Variants in VRTN observed in about 807,000 individuals in gnomAD.
VRTN encodes vertebrae development associated, also known as vertnin.
VRTN carries 5 observed loss-of-function variants against 18.2 expected under a neutral mutation model. The observed-to-expected ratio is 0.27, with a 90% CI of 0.14 to 0.58. The LOEUF is 0.58. Ranked by LOEUF, VRTN falls within the 20% of genes least tolerant of loss-of-function variation. The pLI is 0.91. For missense variants in VRTN, 741 were observed against 939.4 expected, an observed-to-expected ratio of 0.79 and a Z score of 2.76; for synonymous variants, 381 against 393.7, an observed-to-expected ratio of 0.97 and a Z score of 0.38.
chr14:74,357,259 C>A lies in VRTN; in HGVS notation c.476C>A (p.Ala159Asp). The change falls in exon 2 of 2, where the codon GCC (alanine) becomes GAC (aspartate). Residue 159 changes from alanine (A) to aspartate (D), a missense_variant. Transcript: ENST00000256362. The surrounding 1 kb of genome is among the most constrained non-coding windows in gnomAD (Gnocchi z 7.8). ...GCCACGCTGGAGGCCATCTTCGATG[C>A]CGACGTCAAGGCCTCCTGTTTCCCC... The part of the protein sequence containing the change: ...PPATLEAIFD[A>D]DVKASCFPSS... 1 of 1,613,728 alleles carries A rather than the reference C, an allele frequency of 6.2e-7. No individual in the cohort carries two copies. Among genetic ancestry groups the A allele is most frequent in the Non-Finnish European group, 8.5e-7 (1 of 1,179,814 alleles).
chr14:74,352,676 G>T (rs1393667214), intron 1 of VRTN, among the ~76,000 whole-genome samples: 2 of 152,136 alleles, frequency 1.3e-5, no homozygotes, highest in Non-Finnish European at 2.9e-5. Context: ...GCCTCCCAAA[G>T]TGCTGGGATT....
chr14:74,303,901 G>C (rs1195308560), intron 1 of VRTN, among the ~76,000 whole-genome samples: 1 of 139,000 alleles, frequency 7.2e-6, no homozygotes, highest in Admixed American at 7.9e-5. Context: ...GCCCCGGCTA[G>C]AGTGCAATGG....
intron 1 of VRTN, among the ~76,000 whole-genome samples, chr14:74,355,101 C>G (rs989067989): frequency 1.3e-5 from 2 of 150,888 alleles, no homozygotes; most frequent in African/African-American, 4.9e-5. Flanking sequence ...GAGATTGCGC[C>G]CCTGCACTCC....
At chr14:74,320,236 C>G (rs1459029166) in intron 1 of VRTN, among the ~76,000 whole-genome samples, 1 of 141,140 alleles carries the variant, frequency 7.1e-6, no homozygotes, top group Non-Finnish European at 1.5e-5. Flanking sequence ...GGTGACAGAG[C>G]AAGATCCCAT....
chr14:74,337,160 TG>T (rs1356948759), intron 1 of VRTN, among the ~76,000 whole-genome samples: 3 of 152,070 alleles, frequency 2.0e-5, no homozygotes, highest in Non-Finnish European at 4.4e-5. Flanking sequence ...CTGGTGAACA[TG>T]GTGAAACCCA....
At chr14:74,303,006 C>T, upstream of VRTN, 1 of 1,316,074 alleles carries the variant, frequency 7.6e-7, no homozygotes, top group Non-Finnish European at 1.0e-6. Context: ...ACCACAGAGA[C>T]GGCGTTTGAT....
At position 74,311,334 on chromosome 14, in the gene VRTN, A is replaced by G. The variant is rs572246312; in HGVS notation, c.-164+8158A>G. Among the ~76,000 whole-genome samples the G allele has an allele frequency of 3.0e-4, 46 of 152,292 alleles. 1 individual carries two copies. The highest frequency in any genetic ancestry group is 1.0e-3 in the South Asian group (5 of 4,824). ...AAATGTTTTATATATATGCAAACTT[A>G]TATGTATTAATATATTTCACACATA... On this transcript the variant is annotated intron_variant, in intron 1 of 2. Coordinates refer to the VRTN transcript ENST00000557177.
rs961161826 is a variant in VRTN, at chr14:74,357,765, G to T, written c.982G>T (p.Gly328Cys). 3.7e-6 allele frequency: 6 copies of T among 1,613,128 alleles called. No individual in the cohort carries two copies. Among genetic ancestry groups the T allele is most frequent in the Non-Finnish European group, 4.2e-6 (5 of 1,180,032 alleles). ...HFLQDSFHRG[G>C]VVPLQQFLQR... ...CCTGCAGGACAGCTTCCACCGGGGG[G>T]GCGTCGTGCCACTTCAGCAGTTCCT... Residue 328 changes from glycine (G) to cysteine (C), a missense_variant, in exon 2 of 2, where the codon GGC (glycine) becomes TGC (cysteine). By Grantham distance (159) the Gly-to-Cys change is radical. Around this residue, in one of 3 missense-constraint regions of VRTN, gnomAD observed 494 missense variants for 546.5 expected, o/e 0.90. Coordinates refer to ENST00000256362, the MANE Select transcript of VRTN (RefSeq NM_018228.3). The surrounding 1 kb of genome is among the most constrained non-coding windows in gnomAD (Gnocchi z 7.8).
chr14:74,336,148 C>T (rs1567042398), intron 1 of VRTN, among the ~76,000 whole-genome samples: 1 of 151,674 alleles, frequency 6.6e-6, no homozygotes, highest in Non-Finnish European at 1.5e-5. Flanking sequence ...GTGGCTCACG[C>T]CTGTAATCCA....
At chr14:74,314,577 T>C (rs1377126320) in intron 1 of VRTN, among the ~76,000 whole-genome samples, 1 of 151,750 alleles carries the variant, frequency 6.6e-6, no homozygotes, top group Non-Finnish European at 1.5e-5. Flanking sequence ...TTTTTTTTTG[T>C]ATTTTTAGTA....
rs143832135 is a variant in VRTN, at chr14:74,357,962, G to A, written c.1179G>A (p.Ala393=). The change falls in exon 2 of 2, where the codon GCG becomes GCA. Residue 393 remains alanine (A), a synonymous_variant. Transcript: ENST00000256362. The surrounding 1 kb of genome is among the most constrained non-coding windows in gnomAD (Gnocchi z 7.8). ...AEEELECSAL[A]VSSPGMVLMQ... ...AGGAGCTGGAGTGCTCCGCACTGGCGGTGTCAAGCCCTGGAATGGTCTTAA... is the reference window on the plus strand; with the variant it reads ...AGGAGCTGGAGTGCTCCGCACTGGCAGTGTCAAGCCCTGGAATGGTCTTAA... 691 of 1,614,226 alleles carry A rather than the reference G, an allele frequency of 4.3e-4. 3 individuals carry two copies. The Middle Eastern group carries it at 5.1e-3, about 12-fold the overall frequency.
At chr14:74,303,960 T>G (rs542003585) in intron 1 of VRTN, among the ~76,000 whole-genome samples, 2 of 147,008 alleles carry the variant, frequency 1.4e-5, no homozygotes, top group Admixed American at 1.4e-4. Flanking sequence ...GAAGCCATCC[T>G]CCTGCCTCAG....
intron 1 of VRTN, among the ~76,000 whole-genome samples, chr14:74,316,014 T>C (rs1228002954): frequency 6.6e-6 from 1 of 152,172 alleles, no homozygotes; most frequent in Admixed American, 6.6e-5. Context: ...AATTCTCTCT[T>C]GTAGCTGAGG....
intron 1 of VRTN, among the ~76,000 whole-genome samples, chr14:74,324,751 G>T (rs1251334982): frequency 4.5e-4 from 3 of 6,634 alleles, no homozygotes; most frequent in Non-Finnish European, 7.7e-4. Flanking sequence ...AGCCGAGCGT[G>T]GTGGCGCATG....
At chr14:74,332,311 C>G (rs1168043445) in intron 1 of VRTN, among the ~76,000 whole-genome samples, 4 of 145,530 alleles carry the variant, frequency 2.7e-5, no homozygotes, top group Non-Finnish European at 6.0e-5. Context: ...ACCTTTCCCC[C>G]TCCGGAGGAT....
chr14:74,310,399 A>G (rs1268165006), intron 1 of VRTN, among the ~76,000 whole-genome samples: 2 of 142,338 alleles, frequency 1.4e-5, no homozygotes, highest in African/African-American at 5.2e-5. Flanking sequence ...CTCTGTCTCA[A>G]AAAAAAAAAA....
intron 1 of VRTN, among the ~76,000 whole-genome samples, chr14:74,308,827 C>G (rs534169888): frequency 1.3e-5 from 2 of 150,850 alleles, no homozygotes; most frequent in African/African-American, 4.9e-5. Context: ...TTCAAGGCTT[C>G]TTATGCCCTG....
At chr14:74,335,165 C>G (rs745815217) in intron 1 of VRTN, among the ~76,000 whole-genome samples, 1 of 152,148 alleles carries the variant, frequency 6.6e-6, no homozygotes, top group Non-Finnish European at 1.5e-5. Flanking sequence ...CCTGCAATCC[C>G]AGTTACTAGG....
chr14:74,349,808 G>A (rs1008483317), intron 1 of VRTN, among the ~76,000 whole-genome samples: 3 of 152,154 alleles, frequency 2.0e-5, no homozygotes, highest in African/African-American at 7.2e-5. Context: ...GTAGCCTGTG[G>A]CCATTCATTC....
Sources: allele counts gnomAD v4.1 joint callset (sites outside exome capture counted in the v4.1 genomes callset), GRCh38; gene constraint gnomAD v4.1.1; regional missense constraint gnomAD v4.1.1; non-coding constraint Gnocchi (gnomAD v3.1); transcripts MANE v1.5; gene names NCBI Gene and HGNC (gene_info 2026-07-23, HGNC 2026-07-21).